Variants in TDRD9 observed in about 807,000 individuals in gnomAD.
TDRD9 encodes the protein ATP-dependent RNA helicase TDRD9.
TDRD9 carries 124 observed loss-of-function variants against 172.6 expected under a neutral mutation model. The observed-to-expected ratio is 0.72, with a 90% confidence interval of 0.62 to 0.83. The LOEUF is 0.83. TDRD9 is among the 40% of genes least tolerant of loss of function. The probability of loss-of-function intolerance (pLI) is 0.00; values close to 1 mark genes in which losing one functional copy is unlikely to be tolerated. For synonymous variants in TDRD9, 619 were observed against 617.1 expected, an observed-to-expected ratio of 1.00 and a Z score of -0.05; for missense variants, 1,479 against 1,714.1, an observed-to-expected ratio of 0.86 and a Z score of 2.42.
chr14:104,010,306 GT>G (rs2034574359), intron 20 of TDRD9, among the ~76,000 whole-genome samples: 1 of 151,862 alleles, frequency 6.6e-6, no homozygotes, highest in Non-Finnish European at 1.5e-5. Flanking sequence ...GCCCAGACTG[GT>G]TTTATCTATT....
chr14:104,026,742 T>C lies in TDRD9; in HGVS notation c.3085T>C (p.Trp1029Arg), dbSNP rs144686761. 2,610 of 1,614,016 alleles carry C rather than the reference T, an allele frequency of 1.6e-3. 12 individuals carry two copies. The highest frequency in any genetic ancestry group is 1.9e-3 in the Admixed American group (116 of 60,026). The change falls in exon 28 of 36, where the codon TGG (tryptophan) becomes CGG (arginine). Residue 1029 changes from tryptophan to arginine, a missense_variant. Coordinates refer to ENST00000409874, the MANE Select transcript of TDRD9 (RefSeq NM_153046.3). ...AAAGTCTCTTGTTTGTGGCAAGCAC[T>C]GGAGTGACGGGGCCAGCCAGTGGTT... ...SAKSLVCGKH[W>R]SDGASQWFAS...
intron 26 of TDRD9, 29 bp downstream of exon 26, chr14:104,025,805 A>G (rs555896416): frequency 6.5e-7 from 1 of 1,537,614 alleles, no homozygotes; most frequent in South Asian, 1.1e-5. Context: ...AGTCACTGGA[A>G]GGGAAATGAG....
chr14:103,945,927 CAAA>C (rs1252498952), intron 1 of TDRD9, among the ~76,000 whole-genome samples: 7 of 151,426 alleles, frequency 4.6e-5, no homozygotes, highest in South Asian at 2.1e-4. Context: ...TGATTGCAAT[CAAA>C]GAAGGATTTT....
At chr14:103,984,731 G>C (rs1336687930) in intron 7 of TDRD9, among the ~76,000 whole-genome samples, 1 of 152,206 alleles carries the variant, frequency 6.6e-6, no homozygotes, top group African/African-American at 2.4e-5. Context: ...TAATGGAGCT[G>C]TGAGAAGAGG....
intron 1 of TDRD9, among the ~76,000 whole-genome samples, chr14:103,943,911 C>T (rs898800903): frequency 2.0e-5 from 3 of 152,138 alleles, no homozygotes; most frequent in Non-Finnish European, 4.4e-5. Flanking sequence ...AGCCAGATGT[C>T]AGGACTGATT....
chr14:103,978,719 TCACATATCAAG>T (rs1003498885), intron 7 of TDRD9, among the ~76,000 whole-genome samples: 18 of 152,232 alleles, frequency 1.2e-4, no homozygotes, highest in Non-Finnish European at 2.4e-4. Flanking sequence ...GCCATTTTTG[TCACATATCAAG>T]GGTATACACT....
At chr14:104,029,819 A>G (rs1159760543) in intron 28 of TDRD9, among the ~76,000 whole-genome samples, 1 of 152,106 alleles carries the variant, frequency 6.6e-6, no homozygotes, top group Non-Finnish European at 1.5e-5. Flanking sequence ...TTTGTCATGT[A>G]TGGCCTTTCT....
At chr14:103,938,440 A>ATTTTTTTT (rs71126087) in intron 1 of TDRD9, among the ~76,000 whole-genome samples, 902 of 44,454 alleles carry the variant, frequency 0.02, 56 homozygotes, top group Middle Eastern at 0.028. Flanking sequence ...ATATATATAT[A>ATTTTTTTT]TTTTTTTTTT....
At chr14:104,012,036 C>G (rs555123627) in intron 20 of TDRD9, among the ~76,000 whole-genome samples, 42 of 152,316 alleles carry the variant, frequency 2.8e-4, no homozygotes, top group African/African-American at 9.6e-4. Flanking sequence ...CGATGACAGG[C>G]ATGAAGTATT....
At chr14:104,010,583 TTG>T (rs1210872449) in intron 20 of TDRD9, among the ~76,000 whole-genome samples, 5 of 151,496 alleles carry the variant, frequency 3.3e-5, no homozygotes, top group Non-Finnish European at 7.4e-5. Flanking sequence ...TTTTTTTTTT[TTG>T]CTACTTCTTT....
chr14:103,928,568 T>G lies in TDRD9; in HGVS notation c.59T>G (p.Val20Gly). The change falls in exon 1 of 36, where the codon GTG becomes GGG. Residue 20 changes from valine to glycine, a missense_variant. By Grantham distance (109) the Val-to-Gly change is moderately radical. Transcript: ENST00000409874. Reference sequence around the variant, plus strand: ...GACTGGTTCACCATCGGCAAGACGGTGACCAATGTGGAGCTGCTGGGCGCG... The same window carrying G: ...GACTGGTTCACCATCGGCAAGACGGGGACCAATGTGGAGCTGCTGGGCGCG... ...INDWFTIGKT[V>G]TNVELLGAPP... is the part of the protein sequence containing the mutation. The G allele has an allele frequency of 7.2e-7, 1 of 1,384,714 alleles. No individual in the cohort carries two copies. Among genetic ancestry groups the G allele is most frequent in the Non-Finnish European group, 9.5e-7 (1 of 1,054,116 alleles). 85.8% of individuals were successfully genotyped at this position (1,384,714 alleles called of 1,614,324 possible). A position where few individuals can be genotyped will look rare whatever the true frequency, so the allele number is the denominator to read the frequency against.
At chr14:103,967,812 ATCTT>A (rs963775856) in intron 5 of TDRD9, among the ~76,000 whole-genome samples, 2 of 152,218 alleles carry the variant, frequency 1.3e-5, no homozygotes, top group Admixed American at 6.5e-5. Flanking sequence ...AGTTTTGAAT[ATCTT>A]TATAGTAGGT....
chr14:103,937,851 G>A (rs10141985), intron 1 of TDRD9, among the ~76,000 whole-genome samples: 53,730 of 150,904 alleles, frequency 0.36, 9,688 homozygotes, highest in Middle Eastern at 0.38. Context: ...TGAACATGTT[G>A]ATTTTCTTTT....
chr14:103,988,971 T>G (rs1184865948), intron 8 of TDRD9, among the ~76,000 whole-genome samples: 4 of 152,218 alleles, frequency 2.6e-5, no homozygotes, highest in Non-Finnish European at 5.9e-5. Flanking sequence ...CTTTCTTTGT[T>G]CATGTGGATT....
intron 7 of TDRD9, among the ~76,000 whole-genome samples, chr14:103,984,459 A>G (rs1413728638): frequency 6.6e-6 from 1 of 152,184 alleles, no homozygotes; most frequent in African/African-American, 2.4e-5. Flanking sequence ...GAGGCCAACA[A>G]AGAGCTCATG....
chr14:103,967,373 A>AAG (rs2032798637), intron 5 of TDRD9, among the ~76,000 whole-genome samples: 1 of 148,558 alleles, frequency 6.7e-6, no homozygotes, highest in African/African-American at 2.5e-5. Flanking sequence ...AAAAAAAAAA[A>AAG]GATTAGCTGG....
chr14:103,979,302 T>C (rs1340923096), intron 7 of TDRD9, among the ~76,000 whole-genome samples: 1 of 152,218 alleles, frequency 6.6e-6, no homozygotes, highest in East Asian at 1.9e-4. Flanking sequence ...CCTAGGTTGA[T>C]TCCATATCTT....
intron 20 of TDRD9, among the ~76,000 whole-genome samples, chr14:104,009,537 G>A (rs2034544443): frequency 6.6e-6 from 1 of 152,202 alleles, no homozygotes; most frequent in Admixed American, 6.5e-5. Context: ...GGACACCACT[G>A]CACATGACTG....
At chr14:104,036,221 G>GT (rs1868749331) in intron 32 of TDRD9, among the ~76,000 whole-genome samples, 1 of 151,828 alleles carries the variant, frequency 6.6e-6, no homozygotes, top group South Asian at 2.1e-4. Context: ...TTTGATAATT[G>GT]TATCATATAT....
Sources: allele counts gnomAD v4.1 joint callset (sites outside exome capture counted in the v4.1 genomes callset), GRCh38; gene constraint gnomAD v4.1.1; transcripts MANE v1.5; gene names NCBI Gene and HGNC (gene_info 2026-07-23, HGNC 2026-07-21).